HCN2: variants seen among roughly 807,000 people sequenced by gnomAD.
HCN2 encodes hyperpolarization activated cyclic nucleotide gated potassium and sodium channel 2.
A neutral mutation model predicts 52.3 loss-of-function variants in HCN2; 20 were observed. The observed-to-expected ratio is 0.38, with a 90% CI of 0.27 to 0.56. The LOEUF (loss-of-function observed/expected upper bound fraction) is 0.56. Ranked by LOEUF, HCN2 falls within the 20% of genes least tolerant of loss-of-function variation. HCN2 has a pLI of 0.71. For synonymous variants in HCN2, 694 were observed against 537.0 expected, an observed-to-expected ratio of 1.29 and a Z score of -4.04; for missense variants, 981 against 1,207.7, an observed-to-expected ratio of 0.81 and a Z score of 2.78.
intron 2 of HCN2, 118 bp from the exon 3 acceptor site, chr19:604,943 G>A: frequency 9.0e-7 from 1 of 1,116,206 alleles, no homozygotes; most frequent in Non-Finnish European, 1.2e-6. Flanking sequence ...CCTGTGCGGG[G>A]CCTTGGATTT....
intron 1 of HCN2, among the ~76,000 whole-genome samples, chr19:602,153 G>A (rs1983224249): frequency 1.5e-5 from 2 of 132,246 alleles, no homozygotes; most frequent in Admixed American, 7.6e-5. Flanking sequence ...CTGCGTGGAC[G>A]CCCCACTTCC....
chr19:601,535 G>A (rs919067079), intron 1 of HCN2, among the ~76,000 whole-genome samples: 2 of 151,934 alleles, frequency 1.3e-5, no homozygotes, highest in African/African-American at 4.8e-5. Context: ...AGTGGTCGTC[G>A]TCCGCAGTCG....
At chr19:614,187 C>T (rs978766646) in intron 7 of HCN2, among the ~76,000 whole-genome samples, 171 bp downstream of exon 7, 13 of 152,020 alleles carry the variant, frequency 8.6e-5, no homozygotes, top group Non-Finnish European at 1.8e-4. Context: ...GCCATGGCAG[C>T]AGGGGCGTGG....
rs1225427610 is a variant in HCN2, at chr19:615,628, G to A, written c.1991-167G>A. 3.3e-5 allele frequency among the ~76,000 whole-genome samples: 5 copies of A among 152,310 alleles called. No individual in the cohort carries two copies. In the East Asian group the frequency reaches 7.7e-4, roughly 24 times the overall value. ...GCAGGTACTCAATATCCATACTATA[G>A]GCCAGAGATGCTACATATGTGCTTA... On this transcript the variant is annotated intron_variant, in intron 7 of 7. Transcript: ENST00000251287.
rs776528930 is a variant in HCN2, at chr19:603,664, G to A, written c.753G>A (p.Ser251=). 8 of 1,612,596 alleles carry A rather than the reference G, an allele frequency of 5.0e-6. No individual in the cohort carries two copies. The highest frequency in any genetic ancestry group is 1.3e-5 in the African/African-American group (1 of 74,950). The change falls in exon 2 of 8, where the codon TCG becomes TCA. Residue 251 remains serine (S), a synonymous_variant. Coordinates refer to ENST00000251287, the MANE Select transcript of HCN2 (RefSeq NM_001194.4). ...CGTGGATCGTGTTCAACGTGGTCTC[G>A]GACACCTTCTTCCTCATGGACCTGG... ...TAPWIVFNVV[S]DTFFLMDLVL...
intron 5 of HCN2, among the ~76,000 whole-genome samples, chr19:612,551 T>C (rs1227245974): frequency 2.6e-5 from 4 of 151,894 alleles, no homozygotes; most frequent in African/African-American, 7.3e-5. Context: ...GTAGCTGGGA[T>C]TACAGGCACC....
chr19:604,989 C>T (rs1331319074), intron 2 of HCN2, 72 bp from the exon 3 acceptor site: 3 of 1,432,450 alleles, frequency 2.1e-6, no homozygotes, highest in Non-Finnish European at 1.9e-6. Flanking sequence ...AGTGGGGGCG[C>T]ACGGGGCTGG....
chr19:600,353 A>T (rs1016452953), intron 1 of HCN2, among the ~76,000 whole-genome samples: 1 of 150,850 alleles, frequency 6.6e-6, no homozygotes, highest in Non-Finnish European at 1.5e-5. Flanking sequence ...TTGTATTATT[A>T]TTTTTTGAGA....
At chr19:596,774 G>A (rs1983044020) in intron 1 of HCN2, among the ~76,000 whole-genome samples, 1 of 152,112 alleles carries the variant, frequency 6.6e-6, no homozygotes, top group African/African-American at 2.4e-5. Flanking sequence ...TGGGCTTTGG[G>A]CCTTCCCCTG....
chr19:603,565 G>C lies in HCN2; in HGVS notation c.654G>C (p.Met218Ile), dbSNP rs1300090791. The change falls in exon 2 of 8, where the codon ATG becomes ATC. Residue 218 changes from methionine (M) to isoleucine (I), a missense_variant. Physicochemically the swap from Met to Ile is conservative, Grantham distance 10. Around this residue, in one of 6 missense-constraint regions of HCN2, gnomAD observed 282 missense variants for 553.8 expected, o/e 0.51. Transcript: ENST00000251287. ...CCAGGTTCTACTGGGACTTCACCAT[G>C]CTGCTGTTCATGGTGGGAAACCTCA... ...SDFRFYWDFT[M>I]LLFMVGNLII... 6 of 1,607,038 alleles carry C rather than the reference G, an allele frequency of 3.7e-6. No individual in the cohort carries two copies. The highest frequency in any genetic ancestry group is 5.1e-6 in the Non-Finnish European group (6 of 1,175,554).
At chr19:615,370 C>A (rs1448036838) in intron 7 of HCN2, among the ~76,000 whole-genome samples, 1 of 152,066 alleles carries the variant, frequency 6.6e-6, no homozygotes, top group African/African-American at 2.4e-5. Context: ...AAAAATTAGC[C>A]GGGTGTGGTG....
chr19:615,113 G>C (rs577737342), intron 7 of HCN2, among the ~76,000 whole-genome samples: 231 of 152,238 alleles, frequency 1.5e-3, no homozygotes, highest in Middle Eastern at 6.8e-3. Flanking sequence ...CGGTATGCCT[G>C]TGGCACACTG....
Position 613,285 on chromosome 19 carries a change from C to T in HCN2, c.1622C>T (p.Ser541Phe). The change falls in exon 6 of 8, where the codon TCC becomes TTC. Residue 541 changes from serine (S) to phenylalanine (F), a missense_variant. By Grantham distance (155) the Ser-to-Phe change is radical. Coordinates refer to ENST00000251287, the MANE Select transcript of HCN2 (RefSeq NM_001194.4). The stretch of plus-strand genomic sequence containing the variant: ...TTCAACTGCCGGAAGCTGGTGGCCT[C>T]CATGCCGCTGTTCGCCAACGCCGAC... ...VNFNCRKLVA[S>F]MPLFANADPN... The T allele has an allele frequency of 6.2e-7, 1 of 1,612,794 alleles. No homozygotes were observed. Among genetic ancestry groups the T allele is most frequent in the Non-Finnish European group, 8.5e-7 (1 of 1,179,882 alleles).
In HCN2 at chr19:592,819, C is replaced by T. The variant is rs1982911940; in HGVS notation, c.632+2242C>T. ...TGCTGTGGAGGGTGTTTTGGGGCAG[C>T]CCACAGCAAGCGAAGGGGCCTCTAC... On this transcript the variant is annotated intron_variant, in intron 1 of 7. Coordinates refer to ENST00000251287, the MANE Select transcript of HCN2 (RefSeq NM_001194.4). The surrounding 1 kb of genome is among the most constrained non-coding windows in gnomAD (Gnocchi z 4.8). Among the ~76,000 whole-genome samples the T allele has an allele frequency of 6.6e-6, 1 of 152,060 alleles. No homozygotes were observed. The highest frequency in any genetic ancestry group is 2.4e-5 in the African/African-American group (1 of 41,400).
rs1430590473 is a variant in HCN2 at position 589,991 on chromosome 19, G to A, written c.46G>A (p.Ala16Thr). The change falls in exon 1 of 8, where the codon GCG becomes ACG. Residue 16 changes from alanine to threonine, a missense_variant. By Grantham distance (58) the Ala-to-Thr change is moderately conservative (BLOSUM62 0). Around this residue, in one of 6 missense-constraint regions of HCN2, gnomAD observed 215 missense variants for 179.4 expected, o/e 1.20. Transcript: ENST00000251287. The part of the protein sequence containing the change: ...GGGRPGESPG[A>T]TPAPGPPPPP... ...CGGGCGGCCCGGGGAGAGCCCGGGC[G>A]CGACCCCCGCGCCGGGGCCGCCGCC... 6.8e-6 allele frequency: 5 copies of A among 729,942 alleles called. No individual in the cohort carries two copies. In the African/African-American group the frequency reaches 1.1e-4, roughly 16 times the overall value. 45.2% of individuals were successfully genotyped at this position (729,942 alleles called of 1,614,324 possible).
In HCN2 at chr19:590,003, C is replaced by A; in HGVS notation, c.58C>A (p.Pro20Thr). The change falls in exon 1 of 8, where the codon CCG (proline) becomes ACG (threonine). Residue 20 changes from proline (P) to threonine (T), a missense_variant. Physicochemically the swap from Pro to Thr is conservative, Grantham distance 38 (BLOSUM62 -1). Transcript: ENST00000251287. The surrounding 1 kb of genome is among the most constrained non-coding windows in gnomAD (Gnocchi z 7.2). Reference sequence around the variant, plus strand: ...GGAGAGCCCGGGCGCGACCCCCGCGCCGGGGCCGCCGCCGCCGCCGCCGCC... The same window carrying A: ...GGAGAGCCCGGGCGCGACCCCCGCGACGGGGCCGCCGCCGCCGCCGCCGCC... ...PGESPGATPA[P>T]GPPPPPPPAP... 2 of 669,338 alleles carry A rather than the reference C, an allele frequency of 3.0e-6. No individual in the cohort carries two copies. The highest frequency in any genetic ancestry group is 3.6e-6 in the Non-Finnish European group (2 of 554,732). The allele number at this position is 669,338 out of a possible 1,614,324, so 41.5% of individuals were successfully genotyped here. A position where few individuals can be genotyped will look rare whatever the true frequency, so the allele number is the denominator to read the frequency against.
In HCN2 at chr19:590,075, C is replaced by G. The variant is rs1302380116; in HGVS notation, c.130C>G (p.Pro44Ala). 7 of 607,804 alleles carry G rather than the reference C, an allele frequency of 1.2e-5. No individual in the cohort carries two copies. The highest frequency in any genetic ancestry group is 1.4e-5 in the Non-Finnish European group (7 of 492,356). The allele number at this position is 607,804 out of a possible 1,614,324, so 37.7% of individuals were successfully genotyped here. A position where few individuals can be genotyped will look rare whatever the true frequency, so the allele number is the denominator to read the frequency against. The change falls in exon 1 of 8, where the codon CCC (proline) becomes GCC (alanine). Residue 44 changes from proline to alanine, a missense_variant. Physicochemically the swap from Pro to Ala is conservative, Grantham distance 27. Coordinates refer to ENST00000251287, the MANE Select transcript of HCN2 (RefSeq NM_001194.4). This position sits in a 1 kb window ranked among gnomAD's most constrained non-coding sequence, Gnocchi z 7.2. Reference protein sequence around the residue: ...QPPPPPPPAPPPGPGPAPPQH... With the variant: ...QPPPPPPPAPAPGPGPAPPQH... Reference sequence around the variant, plus strand: ...GCCGCCGCCGCCGCCGCCCGCGCCCCCCCCGGGCCCCGGGCCCGCGCCCCC... The same window carrying G: ...GCCGCCGCCGCCGCCGCCCGCGCCCGCCCCGGGCCCCGGGCCCGCGCCCCC...
At chr19:613,722 C>CGGCACCGGCACT (rs1983770601) in intron 6 of HCN2, 130 bp from the exon 7 acceptor site, 1 of 1,003,188 alleles carries the variant, frequency 1.0e-6, no homozygotes, top group Non-Finnish European at 1.3e-6. Flanking sequence ...GGGCCGGGGC[C>CGGCACCGGCACT]GGCACCAGGG....
chr19:604,055 T>TGAGAG (rs1568364262), intron 2 of HCN2, 88 bp downstream of exon 2: 6 of 928,360 alleles, frequency 6.5e-6, no homozygotes, highest in Non-Finnish European at 7.7e-6. Context: ...GGCGGGGCTA[T>TGAGAG]AATGGTGCAT....
Sources: gnomAD v4.1 joint callset for allele counts (sites outside exome capture counted in the v4.1 genomes callset) on GRCh38, gnomAD v4.1.1 for gene constraint, gnomAD v4.1.1 regional missense constraint, Gnocchi (gnomAD v3.1) non-coding constraint, MANE v1.5 for transcripts, NCBI Gene and HGNC (gene_info 2026-07-23, HGNC 2026-07-21) for gene names.